Variants in VWA3B observed in about 807,000 individuals in gnomAD.
The protein encoded by VWA3B is von Willebrand factor A domain-containing protein 3B.
A neutral mutation model predicts 158.3 loss-of-function variants in VWA3B; 138 were observed. That is an observed-to-expected ratio of 0.87 (90% CI 0.76 to 1.00). The LOEUF is 1.00. VWA3B is among the 50% of genes least tolerant of loss of function. VWA3B has a pLI of 0.00. For synonymous variants in VWA3B, 596 were observed against 587.3 expected (o/e 1.01, Z -0.21); for missense variants, 1,555 against 1,565.1 (o/e 0.99, Z 0.11).
At chr2:98,133,207 G>T (rs1346845885) in intron 6 of VWA3B, among the ~76,000 whole-genome samples, 1 of 152,178 alleles carries the variant, frequency 6.6e-6, no homozygotes, top group African/African-American at 2.4e-5. Flanking sequence ...CACAGGGCTG[G>T]GTGGGGGCCT....
At position 98,230,167 on chromosome 2, in the gene VWA3B, T is replaced by C. The variant is rs1211847374; in HGVS notation, c.2268T>C (p.Leu756=). The C allele has an allele frequency of 2.5e-6, 4 of 1,596,806 alleles. No homozygotes were observed. Among genetic ancestry groups the C allele is most frequent in the Non-Finnish European group, 3.4e-6 (4 of 1,175,586 alleles). ...SLNMLKGPWG[L]SDQKVQKKKV... is the part of the protein sequence containing the mutation. ...ATATGTTGAAGGGACCATGGGGCCTTTCAGATCAAAAGGTTCAGAAAAAGA... is the reference window on the plus strand; with the variant it reads ...ATATGTTGAAGGGACCATGGGGCCTCTCAGATCAAAAGGTTCAGAAAAAGA... Residue 756 remains leucine, a synonymous_variant, in exon 16 of 28, where the codon CTT becomes CTC. Coordinates refer to ENST00000477737, the MANE Select transcript of VWA3B (RefSeq NM_144992.5).
intron 21 of VWA3B, among the ~76,000 whole-genome samples, chr2:98,261,984 A>G (rs1162583742): frequency 6.6e-6 from 1 of 151,726 alleles, no homozygotes; most frequent in African/African-American, 2.4e-5. Context: ...TGTAGTGACC[A>G]TCCTAATGGA....
intron 22 of VWA3B, among the ~76,000 whole-genome samples, chr2:98,274,773 G>A (rs1208280927): frequency 6.6e-6 from 1 of 152,216 alleles, no homozygotes; most frequent in African/African-American, 2.4e-5. Context: ...CAACGTAAAA[G>A]ACCAAAATCC....
At chr2:98,242,296 G>A (rs1686122901) in intron 19 of VWA3B, 2 of 456,102 alleles carry the variant, frequency 4.4e-6, no homozygotes, top group African/African-American at 2.0e-5. Context: ...CCTTGGAAAT[G>A]AGGTATTGAG....
intron 19 of VWA3B, among the ~76,000 whole-genome samples, chr2:98,247,431 G>GTT (rs962078070): frequency 3.9e-5 from 6 of 152,168 alleles, no homozygotes; most frequent in Admixed American, 1.3e-4. Flanking sequence ...GTGATTTAGA[G>GTT]TTTCACTTTT....
intron 23 of VWA3B, among the ~76,000 whole-genome samples, chr2:98,292,993 C>G (rs1160016404): frequency 6.6e-6 from 1 of 151,760 alleles, no homozygotes; most frequent in African/African-American, 2.4e-5. Flanking sequence ...AAAGAAAATG[C>G]TAAAAGAGAC....
chr2:98,292,527 C>T (rs965000163), intron 23 of VWA3B, among the ~76,000 whole-genome samples: 9 of 152,124 alleles, frequency 5.9e-5, no homozygotes, highest in African/African-American at 2.2e-4. Context: ...CCCTTCTTTA[C>T]AAGGGCTGGG....
At chr2:98,163,659 T>A (rs1371985921) in intron 8 of VWA3B, among the ~76,000 whole-genome samples, 1 of 151,784 alleles carries the variant, frequency 6.6e-6, no homozygotes, top group Non-Finnish European at 1.5e-5. Flanking sequence ...CATGGACAAG[T>A]GGGGATTCAT....
At chr2:98,161,961 C>T (rs1181744608) in intron 7 of VWA3B, among the ~76,000 whole-genome samples, 1 of 152,214 alleles carries the variant, frequency 6.6e-6, no homozygotes, top group African/African-American at 2.4e-5. Context: ...CCCGCCTCGG[C>T]CTCCCAAAGT....
intron 14 of VWA3B, among the ~76,000 whole-genome samples, chr2:98,226,096 T>C (rs1684898015): frequency 6.6e-6 from 1 of 152,188 alleles, no homozygotes; most frequent in Non-Finnish European, 1.5e-5. Context: ...GAAATTTATA[T>C]GACAAGTCAC....
At chr2:98,298,134 G>A (rs745620327) in intron 24 of VWA3B, 103 bp downstream of exon 24, 13 of 1,317,556 alleles carry the variant, frequency 9.9e-6, no homozygotes, top group Non-Finnish European at 1.3e-5. Context: ...GAACCTACAC[G>A]GGCTCCTGCA....
At position 98,300,463 on chromosome 2, in the gene VWA3B, G is replaced by T. The variant is rs537883756; in HGVS notation, c.3420+247G>T. 3.9e-5 allele frequency among the ~76,000 whole-genome samples: 6 copies of T among 152,248 alleles called. No homozygotes were observed. In the East Asian group the frequency reaches 1.2e-3, roughly 29 times the overall value. ...TGCTGAACCATGCTTTGCATTTGAC[G>T]GACTGGCAGGCTCACTCTAGGGTCT... On this transcript the variant is annotated intron_variant, in intron 25 of 27. Coordinates refer to ENST00000477737, the MANE Select transcript of VWA3B (RefSeq NM_144992.5).
chr2:98,309,456 T>C (rs1690747343), intron 26 of VWA3B, among the ~76,000 whole-genome samples: 1 of 152,136 alleles, frequency 6.6e-6, no homozygotes, highest in Admixed American at 6.5e-5. Context: ...AGGTGGGGTT[T>C]GTCTGGGTCT....
intron 3 of VWA3B, among the ~76,000 whole-genome samples, chr2:98,117,653 A>G (rs953481648): frequency 4.6e-5 from 7 of 152,024 alleles, no homozygotes; most frequent in Admixed American, 1.3e-4. Flanking sequence ...CAGCCAGGCC[A>G]TTCAGCCCTT....
the VWA3B span, among the ~76,000 whole-genome samples, chr2:98,322,560 A>G: frequency 6.6e-6 from 1 of 152,222 alleles, no homozygotes; most frequent in Non-Finnish European, 1.5e-5. Context: ...CAGAAACTAG[A>G]GAGGAATCTA....
chr2:98,329,567 A>G, the VWA3B span, among the ~76,000 whole-genome samples: 3 of 150,270 alleles, frequency 2.0e-5, no homozygotes, highest in African/African-American at 7.3e-5. Context: ...GTACATGAAG[A>G]GTAGATCTCC....
At chr2:98,138,379 G>A (rs1676454329) in intron 7 of VWA3B, among the ~76,000 whole-genome samples, 1 of 152,188 alleles carries the variant, frequency 6.6e-6, no homozygotes. Flanking sequence ...ACCAGAGCAG[G>A]CAAGAAGTTC....
chr2:98,271,159 A>G (rs970343609), intron 22 of VWA3B, among the ~76,000 whole-genome samples: 2 of 152,002 alleles, frequency 1.3e-5, no homozygotes, highest in African/African-American at 4.8e-5. Context: ...CTGGACTTTC[A>G]CAGGAGCCAG....
intron 12 of VWA3B, among the ~76,000 whole-genome samples, chr2:98,198,716 T>C (rs1195231403): frequency 1.3e-5 from 2 of 152,166 alleles, no homozygotes; most frequent in Non-Finnish European, 2.9e-5. Context: ...CTGCTCTGTT[T>C]CTCTGTCCTT....
Sources: gnomAD v4.1 joint callset for allele counts (sites outside exome capture counted in the v4.1 genomes callset) on GRCh38, gnomAD v4.1.1 for gene constraint, MANE v1.5 for transcripts, NCBI Gene and HGNC (gene_info 2026-07-23, HGNC 2026-07-21) for gene names.